Variants in SH2B3 observed in about 807,000 individuals in gnomAD.
The protein encoded by SH2B3 is SH2B adaptor protein 3, also known as SH2B adapter protein 3.
SH2B3 carries 43 observed loss-of-function variants against 51.9 expected under a neutral mutation model. That is an observed-to-expected ratio of 0.83 (90% CI 0.65 to 1.07). The LOEUF is 1.07. SH2B3 is among the 50% of genes least tolerant of loss of function. The pLI, the probability that SH2B3 is intolerant of heterozygous loss-of-function variation, is 0.00. For missense variants in SH2B3, 952 were observed against 834.3 expected, an observed-to-expected ratio of 1.14 and a Z score of -1.74; for synonymous variants, 396 against 376.0, an observed-to-expected ratio of 1.05 and a Z score of -0.62.
rs996039038 is a variant in SH2B3, at chr12:111,429,863, G to A, written c.732+10986G>A. Among the ~76,000 whole-genome samples, 3 of 152,120 alleles carry A rather than the reference G, an allele frequency of 2.0e-5. No homozygotes were observed. The highest frequency in any genetic ancestry group is 4.4e-5 in the Non-Finnish European group (3 of 68,024). The stretch of plus-strand genomic sequence containing the variant: ...CAAGGCCGGGGGGCACCAGGGGCAG[G>A]GGGTTTGTGTTTAGGCCCCAGAACA... On this transcript the variant is annotated intron_variant, in intron 2 of 7. Coordinates refer to ENST00000341259, the MANE Select transcript of SH2B3 (RefSeq NM_005475.3). This position sits in a 1 kb window ranked among gnomAD's most constrained non-coding sequence, Gnocchi z 4.4.
Position 111,450,143 on chromosome 12 carries a change from G to C in SH2B3, c.*1841G>C, listed in dbSNP as rs948665443. ...TCACCATGTTGGCCAGGCTGGTCTC[G>C]AATGTCTGACCTCAGGTGATCCACC... On this transcript the variant is annotated 3_prime_UTR_variant, in exon 8 of 8. Transcript: ENST00000341259. 1.3e-5 allele frequency: 2 copies of C among 152,140 alleles called. No homozygotes were observed. Among genetic ancestry groups the C allele is most frequent in the Non-Finnish European group, 2.9e-5 (2 of 68,050 alleles). The allele number at this position is 152,140 out of a possible 1,614,324, so 9.4% of individuals were successfully genotyped here.
At chr12:111,423,351 A>G (rs976233647) in intron 2 of SH2B3, among the ~76,000 whole-genome samples, 1 of 152,110 alleles carries the variant, frequency 6.6e-6, no homozygotes, top group African/African-American at 2.4e-5. Flanking sequence ...TCTGTGTGAC[A>G]CTGTAGGGTT....
At chr12:111,420,367 C>CAAAAA (rs59301682) in intron 2 of SH2B3, among the ~76,000 whole-genome samples, 5 of 64,464 alleles carry the variant, frequency 7.8e-5, no homozygotes, top group Non-Finnish European at 9.2e-5. Flanking sequence ...GACCCTGTCT[C>CAAAAA]AAAAAAAAAA....
At chr12:111,415,294 A>G (rs919241581) in intron 1 of SH2B3, among the ~76,000 whole-genome samples, 1 of 152,164 alleles carries the variant, frequency 6.6e-6, no homozygotes, top group Non-Finnish European at 1.5e-5. Context: ...CGACATGGAT[A>G]TGTGGTCTCC....
intron 2 of SH2B3, among the ~76,000 whole-genome samples, chr12:111,421,273 G>T (rs1871529721): frequency 6.6e-6 from 1 of 151,968 alleles, no homozygotes; most frequent in African/African-American, 2.4e-5. Context: ...CTCCCCAGTA[G>T]CTGGGATCAC....
At position 111,449,777 on chromosome 12, in the gene SH2B3, G is replaced by C. The variant is rs1012212675; in HGVS notation, c.*1475G>C. On this transcript the variant is annotated 3_prime_UTR_variant, in exon 8 of 8. Coordinates refer to ENST00000341259, the MANE Select transcript of SH2B3 (RefSeq NM_005475.3). Reference sequence around the variant, plus strand: ...GATCAGAGGCTAAAATGAAACCTCAGCCTAAAACTCATAGGACTGACTGCC... The same window carrying C: ...GATCAGAGGCTAAAATGAAACCTCACCCTAAAACTCATAGGACTGACTGCC... 1 of 152,148 alleles carries C rather than the reference G, an allele frequency of 6.6e-6. No homozygotes were observed. The highest frequency in any genetic ancestry group is 1.5e-5 in the Non-Finnish European group (1 of 68,038). 9.4% of individuals were successfully genotyped at this position (152,148 alleles called of 1,614,324 possible).
At chr12:111,421,544 G>C (rs1050036528) in intron 2 of SH2B3, among the ~76,000 whole-genome samples, 1 of 151,180 alleles carries the variant, frequency 6.6e-6, no homozygotes, top group Non-Finnish European at 1.5e-5. Flanking sequence ...AGCCTCCCGA[G>C]TAACTGGGAC....
intron 2 of SH2B3, among the ~76,000 whole-genome samples, chr12:111,442,823 C>T (rs1482184031): frequency 6.6e-6 from 1 of 152,244 alleles, no homozygotes; most frequent in Non-Finnish European, 1.5e-5. Flanking sequence ...CCTTGCTCTC[C>T]ACGTAGGTGT....
intron 1 of SH2B3, among the ~76,000 whole-genome samples, chr12:111,408,963 A>G (rs970333139): frequency 2.6e-5 from 4 of 152,222 alleles, no homozygotes; most frequent in African/African-American, 7.2e-5. Flanking sequence ...TATTATTGCT[A>G]TTAATAAAAC....
At chr12:111,411,932 C>T (rs1004822387) in intron 1 of SH2B3, among the ~76,000 whole-genome samples, 1 of 152,156 alleles carries the variant, frequency 6.6e-6, no homozygotes, top group Non-Finnish European at 1.5e-5. Context: ...CAGAAGGAAG[C>T]CTGAGCAGGT....
chr12:111,451,080 C>T lies in SH2B3; in HGVS notation c.*2778C>T, dbSNP rs1325629593. The T allele has an allele frequency of 1.3e-5, 2 of 152,714 alleles. No individual in the cohort carries two copies. The highest frequency in any genetic ancestry group is 2.9e-5 in the Non-Finnish European group (2 of 68,072). 9.5% of individuals were successfully genotyped at this position (152,714 alleles called of 1,614,324 possible). ...CTTCATCTGACTTATTGAACTTTTACAAACTAACAGTCACCAGCACCAAAG... is the reference window on the plus strand; with the variant it reads ...CTTCATCTGACTTATTGAACTTTTATAAACTAACAGTCACCAGCACCAAAG... On this transcript the variant is annotated 3_prime_UTR_variant, in exon 8 of 8. Transcript: ENST00000341259.
At position 111,409,470 on chromosome 12, in the gene SH2B3, G is replaced by A. The variant is rs1401531574; in HGVS notation, c.-28+3193G>A. The stretch of plus-strand genomic sequence containing the variant: ...TGACGAGGCAGGGCAGGAAGCCGCT[G>A]CCGTCTGGCAGACCGGAGACGCCTG... On this transcript the variant is annotated intron_variant, in intron 1 of 7. Coordinates refer to ENST00000341259, the MANE Select transcript of SH2B3 (RefSeq NM_005475.3). The surrounding 1 kb of genome is among the most constrained non-coding windows in gnomAD (Gnocchi z 4.0). Among the ~76,000 whole-genome samples the A allele has an allele frequency of 1.3e-5, 2 of 152,232 alleles. No individual in the cohort carries two copies. Among genetic ancestry groups the A allele is most frequent in the Admixed American group, 1.3e-4 (2 of 15,288 alleles).
chr12:111,431,066 C>T (rs1346907339), intron 2 of SH2B3, among the ~76,000 whole-genome samples: 1 of 152,210 alleles, frequency 6.6e-6, no homozygotes, highest in Non-Finnish European at 1.5e-5. Context: ...GGAGGGGCCA[C>T]CTCAGCTTCC....
In SH2B3 at chr12:111,448,279, G is replaced by C. The variant is rs535015653; in HGVS notation, c.1705G>C (p.Asp569His). Residue 569 changes from aspartate to histidine, a missense_variant, in exon 8 of 8, where the codon GAC becomes CAC. By Grantham distance (81) the Asp-to-His change is moderately conservative (BLOSUM62 -1). Transcript: ENST00000341259. The stretch of plus-strand genomic sequence containing the variant: ...CTCCCGGAGCCACCTGCGGGCCATA[G>C]ACAATCAGTACACACCTCTCTGACC... ...SSSRSHLRAIDNQYTPL is the reference protein window; with the variant it reads ...SSSRSHLRAIHNQYTPL 5 of 1,613,422 alleles carry C rather than the reference G, an allele frequency of 3.1e-6. No individual in the cohort carries two copies. Among genetic ancestry groups the C allele is most frequent in the East Asian group, 2.2e-5 (1 of 44,862 alleles).
rs183721756 is a variant in SH2B3 at position 111,429,843 on chromosome 12, C to T, written c.732+10966C>T. 3.2e-4 allele frequency among the ~76,000 whole-genome samples: 48 copies of T among 152,236 alleles called. No individual in the cohort carries two copies. In the Middle Eastern group the frequency reaches 0.01, roughly 32 times the overall value. On this transcript the variant is annotated intron_variant, in intron 2 of 7. Transcript: ENST00000341259. This position sits in a 1 kb window ranked among gnomAD's most constrained non-coding sequence, Gnocchi z 4.4. ...AGAGTCCCTGGTGGGTCTGCCAAGGCCGGGGGGCACCAGGGGCAGGGGGTT... is the reference window on the plus strand; with the variant it reads ...AGAGTCCCTGGTGGGTCTGCCAAGGTCGGGGGGCACCAGGGGCAGGGGGTT...
rs751470371 is a variant in SH2B3 at position 111,447,774 on chromosome 12, C to T, written c.1355C>T (p.Ala452Val). ...TCGCCCATCCCACTCGAGTGCGGCG[C>T]CGCCTGTGATGTCCGGCTCTCCAGC... ...QRSPIPLECG[A>V]ACDVRLSSYV... Residue 452 changes from alanine to valine, a missense_variant, in exon 7 of 8, where the codon GCC (alanine) becomes GTC (valine). Transcript: ENST00000341259. The T allele has an allele frequency of 6.2e-7, 1 of 1,614,198 alleles. No individual in the cohort carries two copies. The highest frequency in any genetic ancestry group is 8.5e-7 in the Non-Finnish European group (1 of 1,180,038).
rs972406512 is a variant in SH2B3 at position 111,438,771 on chromosome 12, G to A, written c.733-7982G>A. 2.0e-5 allele frequency among the ~76,000 whole-genome samples: 3 copies of A among 152,196 alleles called. 1 individual carries two copies. The highest frequency in any genetic ancestry group is 1.3e-4 in the Admixed American group (2 of 15,288). On this transcript the variant is annotated intron_variant, in intron 2 of 7. Transcript: ENST00000341259. This position sits in a 1 kb window ranked among gnomAD's most constrained non-coding sequence, Gnocchi z 4.2. ...TGGTCAGGGAGGGCCTCCCTGAGGA[G>A]ATGACACTTTGAAAAGCAGTCGTAT... is the stretch of plus-strand genomic sequence containing the variant.
At position 111,450,471 on chromosome 12, in the gene SH2B3, C is replaced by G. The variant is rs1200645842; in HGVS notation, c.*2169C>G. 1 of 152,104 alleles carries G rather than the reference C, an allele frequency of 6.6e-6. No homozygotes were observed. The highest frequency in any genetic ancestry group is 1.5e-5 in the Non-Finnish European group (1 of 68,012). The allele number at this position is 152,104 out of a possible 1,614,324, so 9.4% of individuals were successfully genotyped here. ...CCTCCCCTCCGCACAGGAAAGGTACCCAGTAGATAATGAACCAAATTAAGT... is the reference window on the plus strand; with the variant it reads ...CCTCCCCTCCGCACAGGAAAGGTACGCAGTAGATAATGAACCAAATTAAGT... On this transcript the variant is annotated 3_prime_UTR_variant, in exon 8 of 8. Transcript: ENST00000341259.
chr12:111,431,509 A>C (rs1872492384), intron 2 of SH2B3, among the ~76,000 whole-genome samples: 1 of 151,592 alleles, frequency 6.6e-6, no homozygotes, highest in Non-Finnish European at 1.5e-5. Context: ...AAACAGTAAC[A>C]GAAAAACCTC....
Sources: gnomAD v4.1 joint callset for allele counts (sites outside exome capture counted in the v4.1 genomes callset) on GRCh38, gnomAD v4.1.1 for gene constraint, Gnocchi (gnomAD v3.1) non-coding constraint, MANE v1.5 for transcripts, NCBI Gene and HGNC (gene_info 2026-07-23, HGNC 2026-07-21) for gene names.